Variants in CD5 observed in about 807,000 individuals in gnomAD.
The protein encoded by CD5 is CD5 molecule.
Under a neutral mutation model 60.3 loss-of-function variants are expected in CD5, and 36 were observed. That is an observed-to-expected ratio of 0.60 (90% CI 0.46 to 0.79). CD5 has a LOEUF of 0.79. Among genes scored for constraint, CD5 ranks in the 30% least tolerant of loss-of-function variants. The probability of loss-of-function intolerance (pLI) is 0.00; values close to 1 mark genes in which losing one functional copy is unlikely to be tolerated. For missense variants in CD5, 540 were observed against 630.6 expected (o/e 0.86, Z 1.54); for synonymous variants, 230 against 257.6 (o/e 0.89, Z 1.03).
chr11:61,106,658 C>G (rs565601585), intron 1 of CD5, among the ~76,000 whole-genome samples: 1 of 151,808 alleles, frequency 6.6e-6, no homozygotes, highest in African/African-American at 2.4e-5. Flanking sequence ...AACATCTATT[C>G]TGTGTGTGTG....
upstream of CD5, among the ~76,000 whole-genome samples, chr11:61,097,924 T>C (rs749697859): frequency 2.6e-5 from 4 of 152,192 alleles, no homozygotes; most frequent in Non-Finnish European, 5.9e-5. Flanking sequence ...GAAACTCAGA[T>C]GAGAAATGCT....
At chr11:61,120,209 G>T (rs918133016) in intron 5 of CD5, among the ~76,000 whole-genome samples, 1 of 152,188 alleles carries the variant, frequency 6.6e-6, no homozygotes, top group Non-Finnish European at 1.5e-5. Flanking sequence ...CAGGATCAAT[G>T]AAGAAAACTA....
intron 4 of CD5, 56 bp from the exon 5 acceptor site, chr11:61,119,178 C>A (rs910000234): frequency 8.8e-6 from 13 of 1,477,496 alleles, no homozygotes; most frequent in Non-Finnish European, 1.1e-5. Flanking sequence ...GCAAGGAGTG[C>A]CCAGGAAGCC....
chr11:61,124,895 T>C, intron 8 of CD5, 137 bp from the exon 9 acceptor site: 1 of 912,582 alleles, frequency 1.1e-6, no homozygotes, highest in Non-Finnish European at 1.7e-6. Context: ...GGGGGATGCA[T>C]TGAAGGGGCT....
chr11:61,108,759 C>T (rs1218194272), intron 1 of CD5, among the ~76,000 whole-genome samples: 2 of 152,162 alleles, frequency 1.3e-5, no homozygotes, highest in Non-Finnish European at 2.9e-5. Context: ...AAAGGGAACA[C>T]CTGACTTGCA....
chr11:61,123,863 C>A (rs376765415), intron 7 of CD5, 21 bp from the exon 8 acceptor site: 65 of 1,321,082 alleles, frequency 4.9e-5, no homozygotes, highest in Non-Finnish European at 6.4e-5. Context: ...CTCTGATGTG[C>A]CTTTCTTGTC....
upstream of CD5, among the ~76,000 whole-genome samples, chr11:61,100,432 A>C (rs575751454): frequency 1.5e-3 from 229 of 149,876 alleles, no homozygotes; most frequent in African/African-American, 5.3e-3. Context: ...CAACATGGAG[A>C]TCACACACAC....
chr11:61,115,133 G>T (rs1168280629), intron 2 of CD5, 39 bp downstream of exon 2: 1 of 1,537,064 alleles, frequency 6.5e-7, no homozygotes, highest in Admixed American at 2.0e-5. Context: ...TGGGGCAGGG[G>T]GAGAGTGGGG....
intron 1 of CD5, among the ~76,000 whole-genome samples, chr11:61,113,276 A>G (rs1860884932): frequency 6.6e-6 from 1 of 152,248 alleles, no homozygotes; most frequent in Non-Finnish European, 1.5e-5. Flanking sequence ...TAAGCTTTGA[A>G]GCCACGTGAG....
In CD5 at chr11:61,118,138, C is replaced by A. The variant is rs372783393; in HGVS notation, c.95-37C>A. 1 of 1,595,492 alleles carries A rather than the reference C, an allele frequency of 6.3e-7. No individual in the cohort carries two copies. The highest frequency in any genetic ancestry group is 8.6e-7 in the Non-Finnish European group (1 of 1,169,100). On this transcript the variant is annotated intron_variant, in intron 2 of 10. Coordinates refer to ENST00000347785, the MANE Select transcript of CD5 (RefSeq NM_014207.4). The surrounding 1 kb of genome is among the most constrained non-coding windows in gnomAD (Gnocchi z 4.7). ...TGAGGGGTGCCAGTGGGGAACCCCT[C>A]CCAGCCTGACCCCCACCACACCTTT...
upstream of CD5, among the ~76,000 whole-genome samples, chr11:61,099,846 G>C (rs1454648766): frequency 6.8e-6 from 1 of 146,640 alleles, no homozygotes; most frequent in African/African-American, 2.6e-5. Context: ...CACACACACA[G>C]CACAGAGATC....
chr11:61,114,363 C>T (rs1860904721), intron 1 of CD5, among the ~76,000 whole-genome samples: 1 of 152,218 alleles, frequency 6.6e-6, no homozygotes, highest in African/African-American at 2.4e-5. Context: ...CTTCAGGAAG[C>T]TGATGCACGA....
chr11:61,124,210 TC>T (rs2134612927), intron 8 of CD5, among the ~76,000 whole-genome samples: 1 of 151,660 alleles, frequency 6.6e-6, no homozygotes, highest in South Asian at 2.1e-4. Flanking sequence ...CCTCGCCCCA[TC>T]TCTAGGGTCC....
intron 1 of CD5, among the ~76,000 whole-genome samples, chr11:61,107,804 G>T: frequency 6.6e-6 from 1 of 152,276 alleles, no homozygotes; most frequent in Non-Finnish European, 1.5e-5. Context: ...GGACAGATAC[G>T]GTAGGAATAG....
At chr11:61,106,668 G>A (rs573416823) in intron 1 of CD5, among the ~76,000 whole-genome samples, 46 of 152,302 alleles carry the variant, frequency 3.0e-4, no homozygotes, top group African/African-American at 9.1e-4. Flanking sequence ...CTGTGTGTGT[G>A]TGTGAAATTG....
At chr11:61,095,628 AGAATTCAGCTGCCAG>A in the CD5 span, among the ~76,000 whole-genome samples, 1 of 152,174 alleles carries the variant, frequency 6.6e-6, no homozygotes, top group Non-Finnish European at 1.5e-5. Flanking sequence ...AGAATATATA[AGAATTCAGCTGCCAG>A]GAACAGACCC....
In CD5 at chr11:61,118,388, G is replaced by A. The variant is rs558454678; in HGVS notation, c.308G>A (p.Ser103Asn). The change falls in exon 3 of 11, where the codon AGC (serine) becomes AAC (asparagine). Residue 103 changes from serine (S) to asparagine (N), a missense_variant. Physicochemically the swap from Ser to Asn is conservative, Grantham distance 46. Transcript: ENST00000347785. This position sits in a 1 kb window ranked among gnomAD's most constrained non-coding sequence, Gnocchi z 4.7. ...GPFLVTYTPQSSIICYGQLGS... is the reference protein window; with the variant it reads ...GPFLVTYTPQNSIICYGQLGS... ...TTCCTTGTCACCTACACACCTCAGA[G>A]CTCAATCATCTGCTACGGACAACTG... The A allele has an allele frequency of 1.4e-5, 22 of 1,614,252 alleles. No individual in the cohort carries two copies. The South Asian group carries it at 2.4e-4, about 18-fold the overall frequency.
upstream of CD5, among the ~76,000 whole-genome samples, chr11:61,099,531 T>G (rs1236418041): frequency 8.3e-5 from 2 of 23,966 alleles, no homozygotes; most frequent in African/African-American, 5.9e-4. Flanking sequence ...GGAGATCACA[T>G]TCGCACACAT....
At chr11:61,125,331 G>C (rs924387007) in intron 9 of CD5, among the ~76,000 whole-genome samples, 180 bp downstream of exon 9, 4 of 152,220 alleles carry the variant, frequency 2.6e-5, no homozygotes, top group Admixed American at 1.3e-4. Context: ...AGCCTTTGCA[G>C]GCCCCAGCTG....
Sources: allele counts gnomAD v4.1 joint callset (sites outside exome capture counted in the v4.1 genomes callset), GRCh38; gene constraint gnomAD v4.1.1; non-coding constraint Gnocchi (gnomAD v3.1); transcripts MANE v1.5; gene names NCBI Gene and HGNC (gene_info 2026-07-23, HGNC 2026-07-21).